Variants in B3GALT5 observed in about 807,000 individuals in gnomAD.
B3GALT5 encodes UDP-Gal:betaGlcNAc beta 1,3-galactosyltransferase, polypeptide 5.
For missense variants in B3GALT5, 328 were observed against 396.6 expected, an observed-to-expected ratio of 0.83 and a Z score of 1.47; for synonymous variants, 156 against 158.6, an observed-to-expected ratio of 0.98 and a Z score of 0.12.
chr21:39,622,005 ATATT>A (rs2079136776), intron 1 of B3GALT5, among the ~76,000 whole-genome samples: 1 of 152,006 alleles, frequency 6.6e-6, no homozygotes, highest in Admixed American at 6.6e-5. Context: ...TGTATTCTAC[ATATT>A]TATTCTTTTG....
intron 1 of B3GALT5, among the ~76,000 whole-genome samples, chr21:39,642,068 C>A (rs977696914): frequency 6.6e-6 from 1 of 152,192 alleles, no homozygotes; most frequent in Non-Finnish European, 1.5e-5. Context: ...TACCTTGCTC[C>A]GTAACTGTTG....
At position 39,661,618 on chromosome 21, in the gene B3GALT5, C is replaced by T. The variant is rs949251861; in HGVS notation, c.*126C>T. 14 of 962,468 alleles carry T rather than the reference C, an allele frequency of 1.5e-5. No individual in the cohort carries two copies. The highest frequency in any genetic ancestry group is 3.0e-5 in the South Asian group (1 of 33,724). The allele number at this position is 962,468 out of a possible 1,614,324, so 59.6% of individuals were successfully genotyped here. A position where few individuals can be genotyped will look rare whatever the true frequency, so the allele number is the denominator to read the frequency against. ...AGTGCTGAAATCCACGCCAGAATGT[C>T]GGTGTTCATGAAGTCACTGATTAGT... On this transcript the variant is annotated 3_prime_UTR_variant, in exon 4 of 4. Coordinates refer to ENST00000684187, the MANE Select transcript of B3GALT5 (RefSeq NM_001356336.2). The surrounding 1 kb of genome is among the most constrained non-coding windows in gnomAD (Gnocchi z 4.7).
At chr21:39,647,927 C>T (rs562730850) in intron 2 of B3GALT5, among the ~76,000 whole-genome samples, 16 of 152,260 alleles carry the variant, frequency 1.1e-4, no homozygotes, top group Non-Finnish European at 1.5e-4. Context: ...ACAAAATTTT[C>T]GGAATTTTCT....
intron 1 of B3GALT5, among the ~76,000 whole-genome samples, chr21:39,616,437 A>G (rs2079107886): frequency 6.6e-6 from 1 of 152,082 alleles, no homozygotes; most frequent in African/African-American, 2.4e-5. Flanking sequence ...TAAATCATTT[A>G]CTGTGAAAAC....
rs904707363 is a variant in B3GALT5 at position 39,661,980 on chromosome 21, C to G, written c.*488C>G. The G allele has an allele frequency of 6.0e-6, 1 of 167,596 alleles. No homozygotes were observed. Among genetic ancestry groups the G allele is most frequent in the Admixed American group, 6.5e-5 (1 of 15,302 alleles). 10.4% of individuals were successfully genotyped at this position (167,596 alleles called of 1,614,324 possible). On this transcript the variant is annotated 3_prime_UTR_variant, in exon 4 of 4. Coordinates refer to ENST00000684187, the MANE Select transcript of B3GALT5 (RefSeq NM_001356336.2). The surrounding 1 kb of genome is among the most constrained non-coding windows in gnomAD (Gnocchi z 4.7). Reference sequence around the variant, plus strand: ...GGTCTCGGAGCCGGCATCCTTCCATCCCTGTCGAGTCCCCTCCACCTCAGC... The same window carrying G: ...GGTCTCGGAGCCGGCATCCTTCCATGCCTGTCGAGTCCCCTCCACCTCAGC...
At chr21:39,640,024 C>T (rs953612464) in intron 1 of B3GALT5, among the ~76,000 whole-genome samples, 5 of 143,348 alleles carry the variant, frequency 3.5e-5, no homozygotes, top group South Asian at 2.3e-4. Flanking sequence ...AAGCCTCTGG[C>T]GTGGACAAGG....
rs958193774 is a variant in B3GALT5 at position 39,661,656 on chromosome 21, C to G, written c.*164C>G. ...GTCACTGATTAGTTCCCACTTGGTG[C>G]CCCAGGCAATAATAGGCCCGTCTCT... On this transcript the variant is annotated 3_prime_UTR_variant, in exon 4 of 4. Coordinates refer to ENST00000684187, the MANE Select transcript of B3GALT5 (RefSeq NM_001356336.2). This position sits in a 1 kb window ranked among gnomAD's most constrained non-coding sequence, Gnocchi z 4.7. The G allele has an allele frequency of 1.2e-5, 8 of 640,152 alleles. No homozygotes were observed. The highest frequency in any genetic ancestry group is 1.8e-5 in the African/African-American group (1 of 54,506). 39.7% of individuals were successfully genotyped at this position (640,152 alleles called of 1,614,324 possible). A position where few individuals can be genotyped will look rare whatever the true frequency, so the allele number is the denominator to read the frequency against.
rs1339582291 is a variant in B3GALT5, at chr21:39,672,702, A to T, written c.*11210A>T. On this transcript the variant is annotated 3_prime_UTR_variant, in exon 4 of 4. Transcript: ENST00000684187. ...GGACAATCCTTTTGTTTTTACATTG[A>T]TGTTTTCTATATTTATTTTGTACCT... 6.6e-6 allele frequency: 1 copy of T among 152,224 alleles called. No individual in the cohort carries two copies. The allele number at this position is 152,224 out of a possible 1,614,324, so 9.4% of individuals were successfully genotyped here. A position where few individuals can be genotyped will look rare whatever the true frequency, so the allele number is the denominator to read the frequency against.
intron 1 of B3GALT5, among the ~76,000 whole-genome samples, chr21:39,633,433 G>A (rs1569209837): frequency 2.0e-5 from 3 of 152,318 alleles, no homozygotes; most frequent in Non-Finnish European, 2.9e-5. Context: ...ACTTTGACAA[G>A]TCCTGAACCA....
chr21:39,613,117 G>A (rs562727740), intron 1 of B3GALT5, 50 bp downstream of exon 1: 2 of 148,748 alleles, frequency 1.3e-5, no homozygotes, highest in African/African-American at 4.9e-5. Context: ...GGCCGGGAGC[G>A]GGGGGCCGGG....
At chr21:39,645,880 CTG>C (rs768132060) in intron 1 of B3GALT5, among the ~76,000 whole-genome samples, 3 of 151,672 alleles carry the variant, frequency 2.0e-5, no homozygotes, top group Non-Finnish European at 4.4e-5. Context: ...AGTTTTTACT[CTG>C]TTAAACAAAG....
At chr21:39,638,464 G>A (rs900644477) in intron 1 of B3GALT5, among the ~76,000 whole-genome samples, 13 of 152,188 alleles carry the variant, frequency 8.5e-5, no homozygotes, top group African/African-American at 2.2e-4. Context: ...AGCCCAGGCC[G>A]TTGAGCAGCC....
At chr21:39,651,217 G>A (rs1466077742) in intron 2 of B3GALT5, among the ~76,000 whole-genome samples, 2 of 152,166 alleles carry the variant, frequency 1.3e-5, no homozygotes, top group Non-Finnish European at 1.5e-5. Flanking sequence ...ATGAATATAG[G>A]CACTGTCTTA....
At chr21:39,649,745 G>T (rs2079376837) in intron 2 of B3GALT5, among the ~76,000 whole-genome samples, 2 of 152,160 alleles carry the variant, frequency 1.3e-5, no homozygotes, top group Admixed American at 1.3e-4. Context: ...GAACCGATCA[G>T]ATAGTGACGT....
chr21:39,644,591 A>T (rs2079319155), intron 1 of B3GALT5, among the ~76,000 whole-genome samples: 1 of 152,166 alleles, frequency 6.6e-6, no homozygotes, highest in Non-Finnish European at 1.5e-5. Flanking sequence ...GGCTTACAGA[A>T]CCATTGTCTG....
intron 1 of B3GALT5, among the ~76,000 whole-genome samples, chr21:39,621,559 G>C (rs1300277796): frequency 6.6e-6 from 1 of 151,944 alleles, no homozygotes; most frequent in Non-Finnish European, 1.5e-5. Context: ...AGTGGAGGCA[G>C]TGGACTTCTG....
chr21:39,615,250 C>T (rs1415140690), intron 1 of B3GALT5, among the ~76,000 whole-genome samples: 1 of 152,168 alleles, frequency 6.6e-6, no homozygotes, highest in East Asian at 1.9e-4. Context: ...TGGCTGACCT[C>T]TTCCGAGTTT....
chr21:39,660,452 C>T, intron 3 of B3GALT5, 108 bp from the exon 4 acceptor site: 1 of 962,496 alleles, frequency 1.0e-6, no homozygotes, highest in Non-Finnish European at 1.4e-6. Context: ...CAGCGAGGTT[C>T]TAGAGTTTCC....
rs2146230029 is a variant in B3GALT5 at position 39,666,509 on chromosome 21, G to T, written c.*5017G>T. 1 of 152,348 alleles carries T rather than the reference G, an allele frequency of 6.6e-6. No individual in the cohort carries two copies. Among genetic ancestry groups the T allele is most frequent in the South Asian group, 2.1e-4 (1 of 4,814 alleles). The allele number at this position is 152,348 out of a possible 1,614,324, so 9.4% of individuals were successfully genotyped here. ...GGGTTTCACCATGTTGGCCAGGCTGGTCTTGAGCTCCTGACCTCAGGTAAT... is the reference window on the plus strand; with the variant it reads ...GGGTTTCACCATGTTGGCCAGGCTGTTCTTGAGCTCCTGACCTCAGGTAAT... On this transcript the variant is annotated 3_prime_UTR_variant, in exon 4 of 4. Transcript: ENST00000684187.
Sources: allele counts gnomAD v4.1 joint callset (sites outside exome capture counted in the v4.1 genomes callset), GRCh38; gene constraint gnomAD v4.1.1; non-coding constraint Gnocchi (gnomAD v3.1); transcripts MANE v1.5; gene names NCBI Gene and HGNC (gene_info 2026-07-23, HGNC 2026-07-21).